The following TBC1D13 variants were observed in gnomAD, a reference collection of about 807,000 sequenced individuals.
The protein encoded by TBC1D13 is epididymis secretory sperm binding protein.
TBC1D13 carries 40 observed loss-of-function variants against 53.6 expected under a neutral mutation model. The ratio of observed to expected loss-of-function variants is 0.75; its 90% CI spans 0.58 to 0.97. The LOEUF (loss-of-function observed/expected upper bound fraction) is 0.97. Ranked by LOEUF, TBC1D13 falls within the 50% of genes least tolerant of loss-of-function variation. The pLI is 0.00. For missense variants in TBC1D13, 377 were observed against 499.4 expected (o/e 0.75, Z 2.34); for synonymous variants, 182 against 197.7 (o/e 0.92, Z 0.67).
At chr9:128,792,635 C>T in intron 6 of TBC1D13, 61 bp downstream of exon 6, 1 of 1,488,286 alleles carries the variant, frequency 6.7e-7, no homozygotes, top group South Asian at 1.2e-5. Flanking sequence ...CTCTGCAGCT[C>T]TGTCTTTTCC....
intron 2 of TBC1D13, among the ~76,000 whole-genome samples, chr9:128,790,527 T>C (rs1390253459): frequency 6.6e-6 from 1 of 152,210 alleles, no homozygotes; most frequent in Non-Finnish European, 1.5e-5. Flanking sequence ...TGAGCCGAGA[T>C]TGCGCCACTT....
At chr9:128,805,634 G>A (rs1829817360) in intron 9 of TBC1D13, among the ~76,000 whole-genome samples, 1 of 152,200 alleles carries the variant, frequency 6.6e-6, no homozygotes, top group South Asian at 2.1e-4. Flanking sequence ...TGGGTTTCCA[G>A]CTTCTCTTTA....
In TBC1D13 at chr9:128,808,457, T is replaced by TGTGTG. The variant is rs1554796455; in HGVS notation, c.*578_*579insGTGTG. 23 of 51,112 alleles carry TGTGTG rather than the reference T, an allele frequency of 4.5e-4. No homozygotes were observed. The highest frequency in any genetic ancestry group is 2.1e-3 in the Admixed American group (10 of 4,676). The allele number at this position is 51,112 out of a possible 1,614,324, so 3.2% of individuals were successfully genotyped here. Reference sequence around the variant, plus strand: ...TGTGTGTGTGTGTGTGTGTGTGTGTTAGGGAGTGAGGGTCTCTCAGGCCTC... The same window carrying TGTGTG: ...TGTGTGTGTGTGTGTGTGTGTGTGTTGTGTGAGGGAGTGAGGGTCTCTCAGGCCTC... On this transcript the variant is annotated 3_prime_UTR_variant, in exon 12 of 12. Transcript: ENST00000372648.
At position 128,797,005 on chromosome 9, in the gene TBC1D13, G is replaced by A. The variant is rs756884245; in HGVS notation, c.384-50G>A. ...GGGGTCTCCTGGCAGATGGGATGGC[G>A]AAAACTTCCACCTTGAGTAACAAGA... On this transcript the variant is annotated intron_variant, in intron 6 of 11. Transcript: ENST00000372648. 12 of 1,601,608 alleles carry A rather than the reference G, an allele frequency of 7.5e-6. 1 individual carries two copies. Among genetic ancestry groups the A allele is most frequent in the South Asian group, 5.6e-5 (5 of 90,052 alleles).
chr9:128,790,597 A>T, intron 2 of TBC1D13, 138 bp from the exon 3 acceptor site: 1 of 746,110 alleles, frequency 1.3e-6, no homozygotes, highest in Non-Finnish European at 2.1e-6. Flanking sequence ...CATCCAATCT[A>T]GTCATCTTTC....
chr9:128,789,348 A>G (rs1462177282), intron 2 of TBC1D13, among the ~76,000 whole-genome samples: 1 of 141,732 alleles, frequency 7.1e-6, no homozygotes. Context: ...AACTTCTTAT[A>G]TTGTCCCTGT....
intron 7 of TBC1D13, among the ~76,000 whole-genome samples, chr9:128,802,031 G>A (rs1008136235): frequency 6.8e-6 from 1 of 147,702 alleles, no homozygotes; most frequent in African/African-American, 2.4e-5. Context: ...AAAGTGCTGG[G>A]ATTACAGGCG....
Position 128,797,015 on chromosome 9 carries a change from A to G in TBC1D13, c.384-40A>G, listed in dbSNP as rs199621236. ...GGCAGATGGGATGGCGAAAACTTCC[A>G]CCTTGAGTAACAAGATTATTTCCTG... is the stretch of plus-strand genomic sequence containing the variant. On this transcript the variant is annotated intron_variant, in intron 6 of 11. Coordinates refer to ENST00000372648, the MANE Select transcript of TBC1D13 (RefSeq NM_018201.5). 4.3e-6 allele frequency: 7 copies of G among 1,609,418 alleles called. No homozygotes were observed. The East Asian group carries it at 1.3e-4, about 31-fold the overall frequency.
intron 7 of TBC1D13, among the ~76,000 whole-genome samples, chr9:128,797,525 G>A (rs1589570687): frequency 1.3e-5 from 2 of 152,140 alleles, no homozygotes; most frequent in African/African-American, 4.8e-5. Flanking sequence ...TGATAGGGCT[G>A]GGCACAGTGG....
At position 128,792,561 on chromosome 9, in the gene TBC1D13, G is replaced by A. The variant is rs148490755; in HGVS notation, c.370G>A (p.Asp124Asn). 161 of 1,613,928 alleles carry A rather than the reference G, an allele frequency of 1.0e-4. No individual in the cohort carries two copies. The Middle Eastern group carries it at 1.8e-3, about 18-fold the overall frequency. ...GGACAACGAGGTGCTGCTGCAGATC[G>A]ACAAAGATGTCCGGTAGGCAGGGTG... Reference protein sequence around the residue: ...FKDNEVLLQIDKDVRRLCPDI... With the variant: ...FKDNEVLLQINKDVRRLCPDI... The change falls in exon 6 of 12, where the codon GAC becomes AAC. Residue 124 changes from aspartate (D) to asparagine (N), a missense_variant. Transcript: ENST00000372648.
intron 7 of TBC1D13, among the ~76,000 whole-genome samples, chr9:128,801,760 G>GT (rs1157717715): frequency 2.5e-5 from 3 of 121,292 alleles, no homozygotes; most frequent in East Asian, 4.4e-4. Context: ...TTTGTTTTTT[G>GT]TTTTTTGTTT....
chr9:128,806,802 G>T (rs1829842825), intron 11 of TBC1D13, among the ~76,000 whole-genome samples: 2 of 152,076 alleles, frequency 1.3e-5, no homozygotes, highest in Non-Finnish European at 2.9e-5. Flanking sequence ...AATTAGCCGG[G>T]CTTGGTGGCA....
chr9:128,806,279 G>C lies in TBC1D13; in HGVS notation c.1105G>C (p.Gly369Arg). ...GCTGATCCGGGAGCAGTTGCTGGAA[G>C]GGGACTTCACTGTGAATATGCGGCT... ...LMLIREQLLE[G>R]DFTVNMRLLQ... The change falls in exon 11 of 12, where the codon GGG becomes CGG. Residue 369 changes from glycine to arginine, a missense_variant. By Grantham distance (125) the Gly-to-Arg change is moderately radical. Coordinates refer to ENST00000372648, the MANE Select transcript of TBC1D13 (RefSeq NM_018201.5). The C allele has an allele frequency of 6.2e-7, 1 of 1,614,192 alleles. No individual in the cohort carries two copies. The highest frequency in any genetic ancestry group is 1.1e-5 in the South Asian group (1 of 91,080).
chr9:128,807,578 A>G (rs1278845206), intron 11 of TBC1D13, among the ~76,000 whole-genome samples: 1 of 152,184 alleles, frequency 6.6e-6, no homozygotes, highest in African/African-American at 2.4e-5. Context: ...GTCCTGAGGA[A>G]AGGGCCGCAA....
At chr9:128,796,608 C>T (rs1244487677) in intron 6 of TBC1D13, among the ~76,000 whole-genome samples, 5 of 152,002 alleles carry the variant, frequency 3.3e-5, no homozygotes, top group Non-Finnish European at 1.5e-5. Flanking sequence ...TGGTCTCAAA[C>T]TCTTGACCTC....
rs145318900 is a variant in TBC1D13, at chr9:128,795,573, G to T, written c.384-1482G>T. 6.2e-3 allele frequency among the ~76,000 whole-genome samples: 886 copies of T among 142,532 alleles called. 6 individuals are homozygous for T. Among genetic ancestry groups the T allele is most frequent in the African/African-American group, 0.022 (851 of 38,576 alleles). The allele number at this position is 142,532 out of a possible 152,430, so 93.5% of individuals were successfully genotyped here. A position where few individuals can be genotyped will look rare whatever the true frequency, so the allele number is the denominator to read the frequency against. On this transcript the variant is annotated intron_variant, in intron 6 of 11. Coordinates refer to ENST00000372648, the MANE Select transcript of TBC1D13 (RefSeq NM_018201.5). The stretch of plus-strand genomic sequence containing the variant: ...CCTCCCGGGTTCACACCATTCTCCT[G>T]CCTCAGCCTCCTAAGTAGCTGGGAC...
In TBC1D13 at chr9:128,804,099, G is replaced by T; in HGVS notation, c.898G>T (p.Val300Leu). 2 of 1,614,042 alleles carry T rather than the reference G, an allele frequency of 1.2e-6. No individual in the cohort carries two copies. Among genetic ancestry groups the T allele is most frequent in the Non-Finnish European group, 1.7e-6 (2 of 1,180,022 alleles). The stretch of plus-strand genomic sequence containing the variant: ...TTACTCCACCTTGAAAGATAAGGAT[G>T]TGGAGCTCTACCTGAAACTGGTGAG... ...KVYSTLKDKD[V>L]ELYLKLQEQN... The change falls in exon 9 of 12, where the codon GTG (valine) becomes TTG (leucine). Residue 300 changes from valine (V) to leucine (L), a missense_variant. Coordinates refer to ENST00000372648, the MANE Select transcript of TBC1D13 (RefSeq NM_018201.5).
chr9:128,794,066 T>TG (rs1433582625), intron 6 of TBC1D13, among the ~76,000 whole-genome samples: 2 of 152,168 alleles, frequency 1.3e-5, no homozygotes. Context: ...TGTTTTCCTT[T>TG]GGGGGATCGA....
chr9:128,803,453 G>A lies in TBC1D13; in HGVS notation c.747G>A (p.Glu249=), dbSNP rs141280998. 1 of 1,614,086 alleles carries A rather than the reference G, an allele frequency of 6.2e-7. No homozygotes were observed. The highest frequency in any genetic ancestry group is 1.7e-5 in the Admixed American group (1 of 60,008). Reference sequence around the variant, plus strand: ...CCTTTGCCACCGACCCCAATAGTGAGTGGAAAGGTAAGAAGGCTCTTGGTG... The same window carrying A: ...CCTTTGCCACCGACCCCAATAGTGAATGGAAAGGTAAGAAGGCTCTTGGTG... ...YYTFATDPNS[E]WKEHAEADTF... Residue 249 remains glutamate (E), a synonymous_variant, in exon 8 of 12, where the codon GAG becomes GAA. Coordinates refer to ENST00000372648, the MANE Select transcript of TBC1D13 (RefSeq NM_018201.5).
Sources: gnomAD v4.1 joint callset for allele counts (sites outside exome capture counted in the v4.1 genomes callset) on GRCh38, gnomAD v4.1.1 for gene constraint, MANE v1.5 for transcripts, NCBI Gene and HGNC (gene_info 2026-07-23, HGNC 2026-07-21) for gene names.